MFHAS1: variants seen among roughly 807,000 people sequenced by gnomAD.
The protein encoded by MFHAS1 is malignant fibrous histiocytoma-amplified sequence 1.
MFHAS1 carries 50 observed loss-of-function variants against 70.4 expected under a neutral mutation model. The observed-to-expected ratio is 0.71, with a 90% CI of 0.57 to 0.90. The LOEUF is 0.90. MFHAS1 is among the 40% of genes least tolerant of loss of function. The pLI is 0.00. For missense variants in MFHAS1, 1,795 were observed against 1,347.6 expected, an observed-to-expected ratio of 1.33 and a Z score of -5.20; for synonymous variants, 952 against 620.0, an observed-to-expected ratio of 1.54 and a Z score of -7.96.
intron 2 of MFHAS1, among the ~76,000 whole-genome samples, chr8:8,796,391 A>G (rs1270307607): frequency 6.6e-6 from 1 of 152,230 alleles, no homozygotes; most frequent in Non-Finnish European, 1.5e-5. Context: ...GCAATGACAG[A>G]GTTAAGACTG....
In MFHAS1 at chr8:8,891,236, G is replaced by T; in HGVS notation, c.1823C>A (p.Ala608Asp). Reference sequence around the variant, plus strand: ...GTGGTTGAGCAGGTATTGAAAATGGGCCTTGCGCCGTCGAAGGTTCTTGTC... The same window carrying T: ...GTGGTTGAGCAGGTATTGAAAATGGTCCTTGCGCCGTCGAAGGTTCTTGTC... ...VSDKNLRRRK[A>D]HFQYLLNHRL... The change falls in exon 1 of 3, where the codon GCC becomes GAC. Residue 608 changes from alanine to aspartate, a missense_variant. Coordinates refer to ENST00000276282, the MANE Select transcript of MFHAS1 (RefSeq NM_004225.3). The surrounding 1 kb of genome is among the most constrained non-coding windows in gnomAD (Gnocchi z 5.4). 6.2e-7 allele frequency: 1 copy of T among 1,612,330 alleles called. No individual in the cohort carries two copies. Among genetic ancestry groups the T allele is most frequent in the Non-Finnish European group, 8.5e-7 (1 of 1,180,024 alleles).
At chr8:8,809,455 A>G (rs1193521014) in intron 1 of MFHAS1, among the ~76,000 whole-genome samples, 1 of 152,052 alleles carries the variant, frequency 6.6e-6, no homozygotes, top group Non-Finnish European at 1.5e-5. Context: ...GACTTACACC[A>G]TCCTCTCCTC....
At chr8:8,879,898 G>A (rs531781498) in intron 1 of MFHAS1, among the ~76,000 whole-genome samples, 7 of 152,184 alleles carry the variant, frequency 4.6e-5, no homozygotes, top group South Asian at 2.1e-4. Context: ...ATCACCACCC[G>A]CTGCCACTCT....
At position 8,785,906 on chromosome 8, in the gene MFHAS1, G is replaced by T; in HGVS notation, c.*116C>A. On this transcript the variant is annotated 3_prime_UTR_variant, in exon 3 of 3. Coordinates refer to ENST00000276282, the MANE Select transcript of MFHAS1 (RefSeq NM_004225.3). ...AAAAAGCACCCTGCAAGCACGCGTT[G>T]TCACTCAAGTTCACAGAACACGCTG... 1.2e-6 allele frequency: 1 copy of T among 829,588 alleles called. No homozygotes were observed. Among genetic ancestry groups the T allele is most frequent in the Non-Finnish European group, 1.9e-6 (1 of 531,794 alleles). 51.4% of individuals were successfully genotyped at this position (829,588 alleles called of 1,614,324 possible). A position where few individuals can be genotyped will look rare whatever the true frequency, so the allele number is the denominator to read the frequency against.
chr8:8,858,223 T>G (rs906875766), intron 1 of MFHAS1, among the ~76,000 whole-genome samples: 1 of 152,196 alleles, frequency 6.6e-6, no homozygotes, highest in Non-Finnish European at 1.5e-5. Context: ...GCCCACTACA[T>G]GCCAAGCATT....
At chr8:8,803,716 A>G (rs1806166548) in intron 1 of MFHAS1, among the ~76,000 whole-genome samples, 1 of 152,058 alleles carries the variant, frequency 6.6e-6, no homozygotes, top group South Asian at 2.1e-4. Flanking sequence ...TCACACCTGT[A>G]ATCCCAGCAC....
chr8:8,797,559 A>G, intron 1 of MFHAS1, 68 bp from the exon 2 acceptor site: 2 of 1,537,576 alleles, frequency 1.3e-6, no homozygotes, highest in South Asian at 2.4e-5. Context: ...TTACAAAGAC[A>G]GCACTGCCCG....
chr8:8,812,962 T>G (rs960369768), intron 1 of MFHAS1, among the ~76,000 whole-genome samples: 3 of 152,150 alleles, frequency 2.0e-5, no homozygotes, highest in African/African-American at 7.2e-5. Context: ...GGACGGGGTT[T>G]CACTTTGTTG....
At chr8:8,811,309 A>C (rs1287875393) in intron 1 of MFHAS1, among the ~76,000 whole-genome samples, 4 of 140,122 alleles carry the variant, frequency 2.9e-5, no homozygotes. Context: ...AACCAGAATA[A>C]AAATTTTTTT....
chr8:8,858,484 A>G (rs1207850462), intron 1 of MFHAS1, among the ~76,000 whole-genome samples: 4 of 152,184 alleles, frequency 2.6e-5, no homozygotes, highest in African/African-American at 9.7e-5. Flanking sequence ...TTATTTTACT[A>G]AGACCTAGAG....
chr8:8,811,068 C>CATCT lies in MFHAS1; in HGVS notation c.2999-13581_2999-13578dup, dbSNP rs1376655842. Among the ~76,000 whole-genome samples, 3 of 152,084 alleles carry CATCT rather than the reference C, an allele frequency of 2.0e-5. 1 individual carries two copies. The South Asian group carries it at 6.2e-4, about 32-fold the overall frequency. ...GAATAATATCTCGCGCAGGCAGAAA[C>CATCT]ATCTCCCACAGCACTACAGGGAGAG... On this transcript the variant is annotated intron_variant, in intron 1 of 2. Coordinates refer to ENST00000276282, the MANE Select transcript of MFHAS1 (RefSeq NM_004225.3).
At chr8:8,831,551 T>C (rs11991680) in intron 1 of MFHAS1, among the ~76,000 whole-genome samples, 106 of 151,806 alleles carry the variant, frequency 7.0e-4, no homozygotes, top group African/African-American at 2.4e-3. Context: ...CAGGGTAATG[T>C]GAACAGACAT....
At chr8:8,793,752 C>T (rs993251557) in intron 2 of MFHAS1, among the ~76,000 whole-genome samples, 1 of 152,326 alleles carries the variant, frequency 6.6e-6, no homozygotes, top group Middle Eastern at 3.4e-3. Context: ...AGGGAACCCA[C>T]CCTTAGAGGC....
At chr8:8,862,035 G>C (rs777590274) in intron 1 of MFHAS1, among the ~76,000 whole-genome samples, 70 of 152,262 alleles carry the variant, frequency 4.6e-4, no homozygotes, top group Non-Finnish European at 7.5e-4. Flanking sequence ...CATTTCCCTT[G>C]GGTGAATTAA....
chr8:8,832,192 G>T (rs796581986), intron 1 of MFHAS1, among the ~76,000 whole-genome samples: 1 of 137,830 alleles, frequency 7.3e-6, no homozygotes, highest in East Asian at 2.1e-4. Flanking sequence ...CAGAAAGAAA[G>T]AAAAAAAAAA....
intron 2 of MFHAS1, among the ~76,000 whole-genome samples, chr8:8,789,471 C>T (rs1423755005): frequency 7.9e-5 from 12 of 152,134 alleles, no homozygotes; most frequent in East Asian, 1.9e-4. Flanking sequence ...AGGGAGGGTC[C>T]AGCCTGGGGG....
At chr8:8,867,644 G>A (rs536978261) in intron 1 of MFHAS1, among the ~76,000 whole-genome samples, 5 of 150,848 alleles carry the variant, frequency 3.3e-5, no homozygotes, top group African/African-American at 4.9e-5. Flanking sequence ...CAAAAGCTCC[G>A]CCTCCCGGGT....
intron 1 of MFHAS1, among the ~76,000 whole-genome samples, chr8:8,878,276 G>A (rs1178057639): frequency 6.6e-6 from 1 of 152,202 alleles, no homozygotes; most frequent in East Asian, 1.9e-4. Flanking sequence ...GTGGGTCAGA[G>A]CAGAGGTTTG....
chr8:8,807,779 A>G (rs1806381158), intron 1 of MFHAS1, among the ~76,000 whole-genome samples: 1 of 152,220 alleles, frequency 6.6e-6, no homozygotes, highest in African/African-American at 2.4e-5. Context: ...TCCGAGGTCA[A>G]TGTTGCAAAG....
Sources: gnomAD v4.1 joint callset for allele counts (sites outside exome capture counted in the v4.1 genomes callset) on GRCh38, gnomAD v4.1.1 for gene constraint, Gnocchi (gnomAD v3.1) non-coding constraint, MANE v1.5 for transcripts, NCBI Gene and HGNC (gene_info 2026-07-23, HGNC 2026-07-21) for gene names.